APOL2: variants seen among roughly 807,000 people sequenced by gnomAD.
APOL2 encodes apolipoprotein L2.
A neutral mutation model predicts 7.1 loss-of-function variants in APOL2; 8 were observed. The ratio of observed to expected loss-of-function variants is 1.12; its 90% CI spans 0.66 to 2.03. APOL2 has a LOEUF of 2.03. APOL2 is among the 30% of genes most tolerant of loss of function. The pLI, the probability that APOL2 is intolerant of heterozygous loss-of-function variation, is 0.00. For synonymous variants in APOL2, 177 were observed against 159.9 expected (o/e 1.11, Z -0.81); for missense variants, 471 against 415.1 (o/e 1.13, Z -1.17).
chr22:36,232,852 T>C (rs2015271659), intron 3 of APOL2, among the ~76,000 whole-genome samples: 1 of 145,712 alleles, frequency 6.9e-6, no homozygotes, highest in Non-Finnish European at 1.5e-5. Flanking sequence ...CTTCCCCCAC[T>C]CCCCTCTCTT....
intron 1 of APOL2, chr22:36,236,895 C>T (rs765977437): frequency 3.4e-5 from 44 of 1,294,214 alleles, no homozygotes; most frequent in Middle Eastern, 2.9e-4. Context: ...CTGTAAGGGA[C>T]GGGGTGACGG....
In APOL2 at chr22:36,227,388, C is replaced by T; in HGVS notation, c.*16G>A. The T allele has an allele frequency of 6.3e-7, 1 of 1,579,078 alleles. No homozygotes were observed. The highest frequency in any genetic ancestry group is 8.6e-7 in the Non-Finnish European group (1 of 1,163,068). On this transcript the variant is annotated 3_prime_UTR_variant, in exon 5 of 5. Transcript: ENST00000358502. ...GTGCCCGGCATTTCTGCCCTGGTGG[C>T]TGCACTGCTCTGGGGTCATTGGTCT... is the stretch of plus-strand genomic sequence containing the variant.
chr22:36,239,259 A>C (rs957430036), intron 1 of APOL2, 182 bp downstream of exon 1: 46 of 1,372,960 alleles, frequency 3.4e-5, no homozygotes, highest in Non-Finnish European at 4.0e-5. Flanking sequence ...GCCCAGCAGG[A>C]GGGAGGGAGC....
chr22:36,229,471 T>C (rs1053740221), intron 4 of APOL2, among the ~76,000 whole-genome samples: 2 of 152,216 alleles, frequency 1.3e-5, no homozygotes, highest in African/African-American at 4.8e-5. Flanking sequence ...ATGTGTTTTG[T>C]CCCACATTCA....
chr22:36,234,885 G>T (rs1294865650), intron 1 of APOL2, among the ~76,000 whole-genome samples: 1 of 152,204 alleles, frequency 6.6e-6, no homozygotes, highest in Non-Finnish European at 1.5e-5. Flanking sequence ...CTACTACGTG[G>T]TAAAGACTGG....
chr22:36,235,669 GA>G (rs2015372855), intron 1 of APOL2, among the ~76,000 whole-genome samples: 1 of 149,954 alleles, frequency 6.7e-6, no homozygotes, highest in South Asian at 2.1e-4. Context: ...ATGGGGAATA[GA>G]AAAGTTACCA....
In APOL2 at chr22:36,231,362, C is replaced by T. The variant is rs768660458; in HGVS notation, c.115G>A (p.Val39Met). 22 of 1,613,956 alleles carry T rather than the reference C, an allele frequency of 1.4e-5. No homozygotes were observed. In the African/African-American group the frequency reaches 1.6e-4, roughly 12 times the overall value. The change falls in exon 4 of 5, where the codon GTG (valine) becomes ATG (methionine). Residue 39 changes from valine (V) to methionine (M), a missense_variant. Transcript: ENST00000358502. ...LTDDEAWNGF[V>M]AAAELPRDEA... The stretch of plus-strand genomic sequence containing the variant: ...TACCTGGGCAGTTCAGCAGCAGCCA[C>T]GAATCCATTCCAGGCTTCATCATCA...
chr22:36,239,397 C>T (rs937339213), intron 1 of APOL2, 44 bp downstream of exon 1: 21 of 1,493,564 alleles, frequency 1.4e-5, no homozygotes, highest in Admixed American at 2.0e-5. Context: ...AGAGCTATTG[C>T]AAGAATAAGG....
intron 1 of APOL2, among the ~76,000 whole-genome samples, chr22:36,233,853 T>C (rs755640667): frequency 2.0e-5 from 3 of 152,206 alleles, no homozygotes; most frequent in African/African-American, 2.4e-5. Context: ...TACACGCTCA[T>C]GGTAAATGAC....
intron 3 of APOL2, among the ~76,000 whole-genome samples, chr22:36,232,517 C>T (rs1014500030): frequency 1.3e-5 from 2 of 152,156 alleles, no homozygotes; most frequent in African/African-American, 4.8e-5. Context: ...GGCCAGGTAC[C>T]CTTATAATAT....
At chr22:36,238,505 C>A (rs2015488803) in intron 1 of APOL2, among the ~76,000 whole-genome samples, 1 of 152,022 alleles carries the variant, frequency 6.6e-6, no homozygotes, top group Non-Finnish European at 1.5e-5. Context: ...AGAGGGGAGG[C>A]CAACATCTGC....
At position 36,228,022 on chromosome 22, in the gene APOL2, G is replaced by A. The variant is rs770367945; in HGVS notation, c.396C>T (p.Leu132=). 5.0e-6 allele frequency: 8 copies of A among 1,614,248 alleles called. No homozygotes were observed. The Admixed American group carries it at 8.3e-5, about 17-fold the overall frequency. Residue 132 remains leucine, a synonymous_variant, in exon 5 of 5, where the codon CTC becomes CTT. Coordinates refer to ENST00000358502, the MANE Select transcript of APOL2 (RefSeq NM_030882.4). ...SVGTTSGILT[L]LGLGLAPFTE... ...TGAAGGGTGCCAGACCCAGGCCGAG[G>A]AGGGTCAGGATGCCAGAGGTAGTGC...
rs774371606 is a variant in APOL2, at chr22:36,233,475, A to G, written c.-133-20T>C. 11 of 1,546,938 alleles carry G rather than the reference A, an allele frequency of 7.1e-6. No individual in the cohort carries two copies. The highest frequency in any genetic ancestry group is 2.6e-6 in the Non-Finnish European group (3 of 1,145,158). Reference sequence around the variant, plus strand: ...CTTGTCCTGTAGGGGTATGAGAAGAAGATAATCAGAGGAGGGGCAGCCATC... The same window carrying G: ...CTTGTCCTGTAGGGGTATGAGAAGAGGATAATCAGAGGAGGGGCAGCCATC... On this transcript the variant is annotated intron_variant, in intron 1 of 4. Coordinates refer to ENST00000358502, the MANE Select transcript of APOL2 (RefSeq NM_030882.4).
chr22:36,229,687 A>T (rs961111730), intron 4 of APOL2, among the ~76,000 whole-genome samples: 10 of 152,180 alleles, frequency 6.6e-5, no homozygotes, highest in African/African-American at 1.9e-4. Context: ...AGGAATCCCC[A>T]TAGATTTGCA....
intron 1 of APOL2, chr22:36,237,070 A>G: frequency 7.9e-6 from 12 of 1,524,148 alleles, no homozygotes; most frequent in Non-Finnish European, 1.1e-5. Context: ...CCTGCCCAAT[A>G]CTTGTGAGGA....
At chr22:36,236,938 TG>T (rs1434153267) in intron 1 of APOL2, 5 of 1,322,216 alleles carry the variant, frequency 3.8e-6, no homozygotes, top group Admixed American at 7.3e-5. Context: ...CTTCCTGCTT[TG>T]TTCACTCTGT....
chr22:36,239,888 T>A, upstream of APOL2: 2 of 222,022 alleles, frequency 9.0e-6, no homozygotes, highest in Admixed American at 5.7e-5. Flanking sequence ...GCACAGCAGG[T>A]GGGGGAGAGA....
intron 1 of APOL2, chr22:36,237,346 T>A (rs1488120108): frequency 7.6e-7 from 1 of 1,321,130 alleles, no homozygotes; most frequent in African/African-American, 1.5e-5. Flanking sequence ...TCCCTCCAAG[T>A]GGTTGTGGGG....
chr22:36,239,420 A>G (rs1051670922), intron 1 of APOL2, 21 bp downstream of exon 1: 28 of 1,533,458 alleles, frequency 1.8e-5, no homozygotes, highest in South Asian at 3.6e-5. Flanking sequence ...ATGGGGGTAG[A>G]TCACACTATC....
Sources: allele counts gnomAD v4.1 joint callset (sites outside exome capture counted in the v4.1 genomes callset), GRCh38; gene constraint gnomAD v4.1.1; transcripts MANE v1.5; gene names NCBI Gene and HGNC (gene_info 2026-07-23, HGNC 2026-07-21).